MARCHF11: variants seen among roughly 807,000 people sequenced by gnomAD.
MARCHF11 encodes membrane associated ring-CH-type finger 11.
In MARCHF11, 29 loss-of-function variants were observed where a neutral mutation model predicts 37.3. That is an observed-to-expected ratio of 0.78 (90% CI 0.58 to 1.06). The LOEUF is 1.06. Among genes scored for constraint, MARCHF11 ranks in the 50% least tolerant of loss-of-function variants. The pLI is 0.00. For missense variants in MARCHF11, 482 were observed against 533.4 expected (o/e 0.90, Z 0.95); for synonymous variants, 233 against 228.0 (o/e 1.02, Z -0.20).
intron 2 of MARCHF11, among the ~76,000 whole-genome samples, chr5:16,096,528 G>A (rs1051971023): frequency 1.3e-5 from 2 of 152,182 alleles, no homozygotes; most frequent in African/African-American, 4.8e-5. Context: ...GGGAGGTTCC[G>A]TGTTAGTGGA....
intron 3 of MARCHF11, among the ~76,000 whole-genome samples, chr5:16,079,500 T>C (rs1736571181): frequency 6.6e-6 from 1 of 152,176 alleles, no homozygotes; most frequent in Non-Finnish European, 1.5e-5. Flanking sequence ...CAAGACCCAA[T>C]CTTAACCCAG....
At chr5:16,084,397 C>A (rs1736659022) in intron 3 of MARCHF11, among the ~76,000 whole-genome samples, 1 of 152,136 alleles carries the variant, frequency 6.6e-6, no homozygotes, top group Non-Finnish European at 1.5e-5. Context: ...AATCCCAGCA[C>A]TTTGGGAGGC....
intron 3 of MARCHF11, among the ~76,000 whole-genome samples, chr5:16,080,785 GTTA>G (rs994896859): frequency 1.3e-5 from 2 of 152,080 alleles, no homozygotes; most frequent in African/African-American, 4.8e-5. Context: ...AATTGCCTGG[GTTA>G]TTATAATATT....
chr5:16,171,614 C>T (rs1738266242), intron 2 of MARCHF11, among the ~76,000 whole-genome samples: 1 of 152,154 alleles, frequency 6.6e-6, no homozygotes, highest in Non-Finnish European at 1.5e-5. Flanking sequence ...CAGCTATGCT[C>T]ATTTATTTAT....
intron 2 of MARCHF11, among the ~76,000 whole-genome samples, chr5:16,147,675 T>C (rs1262416774): frequency 9.5e-6 from 1 of 104,914 alleles, no homozygotes; most frequent in East Asian, 2.5e-4. Context: ...TGAATGACCA[T>C]GAATCTGTCC....
chr5:16,132,460 C>G (rs1021154228), intron 2 of MARCHF11, among the ~76,000 whole-genome samples: 1 of 152,188 alleles, frequency 6.6e-6, no homozygotes, highest in African/African-American at 2.4e-5. Context: ...TTCTACAGTG[C>G]CTGACATGGC....
intron 2 of MARCHF11, among the ~76,000 whole-genome samples, chr5:16,120,428 T>TA (rs1229662646): frequency 1.3e-5 from 2 of 152,220 alleles, no homozygotes; most frequent in Non-Finnish European, 2.9e-5. Flanking sequence ...TTGGCCCCTC[T>TA]AGGGTCTCTT....
At chr5:16,174,110 TG>T (rs1327092714) in intron 2 of MARCHF11, among the ~76,000 whole-genome samples, 2 of 152,248 alleles carry the variant, frequency 1.3e-5, no homozygotes, top group African/African-American at 4.8e-5. Context: ...ATTCATAAAC[TG>T]GAATATGGCT....
intron 2 of MARCHF11, among the ~76,000 whole-genome samples, chr5:16,112,833 G>A (rs1247780926): frequency 2.6e-5 from 4 of 152,120 alleles, no homozygotes; most frequent in African/African-American, 9.7e-5. Flanking sequence ...CTGAATCATG[G>A]AGGTGGTTTC....
intron 3 of MARCHF11, among the ~76,000 whole-genome samples, chr5:16,082,298 C>T (rs968867907): frequency 2.6e-5 from 4 of 152,136 alleles, no homozygotes; most frequent in Non-Finnish European, 4.4e-5. Flanking sequence ...TTTCCTGGGG[C>T]GCGAAGCATG....
chr5:16,090,845 A>T (rs751392676), intron 3 of MARCHF11, 44 bp downstream of exon 3: 1 of 1,379,034 alleles, frequency 7.3e-7, no homozygotes, highest in East Asian at 2.5e-5. Context: ...GCTGAAAGAA[A>T]TGGATTACTG....
intron 2 of MARCHF11, among the ~76,000 whole-genome samples, chr5:16,134,124 A>AG (rs1036773162): frequency 2.0e-5 from 3 of 152,200 alleles, no homozygotes; most frequent in Non-Finnish European, 2.9e-5. Flanking sequence ...AAAACTCATG[A>AG]GGCTCAGTGT....
chr5:16,072,436 A>G (rs1209583443), intron 3 of MARCHF11, among the ~76,000 whole-genome samples: 1 of 151,898 alleles, frequency 6.6e-6, no homozygotes, highest in African/African-American at 2.4e-5. Flanking sequence ...GATTGTGAGC[A>G]TGGGGCCTGC....
chr5:16,131,831 C>A (rs750518764), intron 2 of MARCHF11, among the ~76,000 whole-genome samples: 2 of 152,234 alleles, frequency 1.3e-5, no homozygotes, highest in Non-Finnish European at 2.9e-5. Context: ...AATACCTACT[C>A]AGTTCTAACT....
intron 2 of MARCHF11, among the ~76,000 whole-genome samples, chr5:16,170,750 T>C (rs901514526): frequency 8.5e-5 from 13 of 152,104 alleles, no homozygotes; most frequent in Non-Finnish European, 1.3e-4. Flanking sequence ...CTAAAACCTG[T>C]CCCGCTCATT....
intron 3 of MARCHF11, among the ~76,000 whole-genome samples, chr5:16,074,686 C>T (rs11954218): frequency 0.027 from 4,137 of 152,152 alleles, 174 homozygotes; most frequent in African/African-American, 0.094. Context: ...TAAAATCCTC[C>T]GTGCAAGAAA....
intron 2 of MARCHF11, among the ~76,000 whole-genome samples, chr5:16,122,359 C>A (rs916228860): frequency 6.6e-6 from 1 of 152,160 alleles, no homozygotes; most frequent in African/African-American, 2.4e-5. Context: ...TCTTGCCATG[C>A]CACCTACTGT....
intron 2 of MARCHF11, among the ~76,000 whole-genome samples, chr5:16,097,602 A>C (rs1736893586): frequency 1.3e-5 from 2 of 152,238 alleles, no homozygotes; most frequent in African/African-American, 4.8e-5. Flanking sequence ...TAAAGGAAAT[A>C]GGTAACTTCC....
intron 2 of MARCHF11, among the ~76,000 whole-genome samples, chr5:16,100,552 A>T (rs546282494): frequency 6.6e-6 from 1 of 152,306 alleles, no homozygotes; most frequent in South Asian, 2.1e-4. Flanking sequence ...TAAATGGCAG[A>T]GGTAGCTGTA....
Sources: allele counts gnomAD v4.1 joint callset (sites outside exome capture counted in the v4.1 genomes callset), GRCh38; gene constraint gnomAD v4.1.1; transcripts MANE v1.5; gene names NCBI Gene and HGNC (gene_info 2026-07-23, HGNC 2026-07-21).